NCOA3: variants seen among roughly 807,000 people sequenced by gnomAD.
NCOA3 encodes nuclear receptor coactivator 3, also known as CBP-interacting protein.
Under a neutral mutation model 158.8 loss-of-function variants are expected in NCOA3, and 51 were observed. That is an observed-to-expected ratio of 0.32 (90% CI 0.26 to 0.41). The LOEUF (loss-of-function observed/expected upper bound fraction) is 0.41. Among genes scored for constraint, NCOA3 ranks in the 10% least tolerant of loss-of-function variants. NCOA3 has a pLI of 1.00. For synonymous variants in NCOA3, 537 were observed against 592.4 expected (o/e 0.91, Z 1.36); for missense variants, 1,510 against 1,746.6 (o/e 0.86, Z 2.41).
intron 19 of NCOA3, 28 bp downstream of exon 19, chr20:47,649,137 A>C: frequency 1.4e-6 from 2 of 1,470,652 alleles, no homozygotes; most frequent in Non-Finnish European, 1.9e-6. Flanking sequence ...CTCCACATGC[A>C]TTGCTCTGTG....
intron 1 of NCOA3, among the ~76,000 whole-genome samples, chr20:47,511,554 T>TATATATACACACAC (rs1231372303): frequency 3.2e-5 from 1 of 31,088 alleles, no homozygotes; most frequent in Non-Finnish European, 1.0e-4. Context: ...TATATATATA[T>TATATATACACACAC]ATTTCTTTTT....
chr20:47,595,989 T>C (rs2085748928), intron 2 of NCOA3, among the ~76,000 whole-genome samples: 1 of 152,206 alleles, frequency 6.6e-6, no homozygotes, highest in African/African-American at 2.4e-5. Flanking sequence ...CTTTAAACAC[T>C]AAAATTACAC....
chr20:47,606,814 C>T (rs930652559), intron 2 of NCOA3, among the ~76,000 whole-genome samples: 8 of 152,118 alleles, frequency 5.3e-5, no homozygotes, highest in Non-Finnish European at 1.5e-5. Context: ...GTGAGGTGAA[C>T]CTGTCACTAC....
intron 2 of NCOA3, among the ~76,000 whole-genome samples, chr20:47,609,450 A>G (rs146543145): frequency 9.8e-5 from 15 of 152,346 alleles, no homozygotes; most frequent in Admixed American, 2.6e-4. Context: ...TTTACTAGAC[A>G]TGGATAGGCA....
intron 2 of NCOA3, among the ~76,000 whole-genome samples, chr20:47,619,034 T>C (rs2086192511): frequency 6.6e-6 from 1 of 152,246 alleles, no homozygotes; most frequent in Non-Finnish European, 1.5e-5. Context: ...ATGATTGTTA[T>C]AGATCAGAAT....
intron 1 of NCOA3, among the ~76,000 whole-genome samples, chr20:47,579,180 A>C (rs1345900645): frequency 6.6e-6 from 1 of 152,236 alleles, no homozygotes; most frequent in Non-Finnish European, 1.5e-5. Flanking sequence ...CATGTTGTCC[A>C]AGATGGACTC....
At chr20:47,622,364 T>C (rs778790718) in intron 3 of NCOA3, 34 bp downstream of exon 3, 7 of 1,337,884 alleles carry the variant, frequency 5.2e-6, no homozygotes, top group Non-Finnish European at 4.2e-6. Context: ...TTTACCACAC[T>C]TGTTGTGCCT....
chr20:47,511,631 A>G (rs888374880), intron 1 of NCOA3, among the ~76,000 whole-genome samples: 2 of 141,646 alleles, frequency 1.4e-5, no homozygotes, highest in Non-Finnish European at 3.0e-5. Context: ...GATCACCGCA[A>G]CCTCCACCTC....
At chr20:47,640,717 T>TAAA (rs1239786327) in intron 16 of NCOA3, among the ~76,000 whole-genome samples, 1,830 of 107,836 alleles carry the variant, frequency 0.017, 15 homozygotes, top group Non-Finnish European at 0.026. Flanking sequence ...CTGTCTCTAC[T>TAAA]AAAAAAAAAA....
In NCOA3 at chr20:47,536,809, T is replaced by C. The variant is rs868729792; in HGVS notation, c.-99+34790T>C. On this transcript the variant is annotated intron_variant, in intron 1 of 22. Coordinates refer to ENST00000371998, the MANE Select transcript of NCOA3 (RefSeq NM_181659.3). ...GCCCAGCCTCACTGTTTTTTTCTTT[T>C]TTTTTTTTTTTTTTGAGACAGTCTT... 9.1e-4 allele frequency among the ~76,000 whole-genome samples: 136 copies of C among 150,142 alleles called. 1 individual carries two copies. In the Middle Eastern group the frequency reaches 0.017, roughly 19 times the overall value.
chr20:47,598,370 C>G (rs1399069731), intron 2 of NCOA3, among the ~76,000 whole-genome samples: 1 of 151,732 alleles, frequency 6.6e-6, no homozygotes, highest in African/African-American at 2.4e-5. Context: ...GAGTTTCGCT[C>G]TGTCGCTCAG....
At chr20:47,582,290 G>C (rs769739799) in intron 1 of NCOA3, among the ~76,000 whole-genome samples, 15 of 152,158 alleles carry the variant, frequency 9.9e-5, no homozygotes, top group Non-Finnish European at 1.9e-4. Flanking sequence ...TTGGGTCACT[G>C]TAACCTCTGC....
At chr20:47,607,083 G>A (rs185711783) in intron 2 of NCOA3, among the ~76,000 whole-genome samples, 189 of 152,244 alleles carry the variant, frequency 1.2e-3, no homozygotes, top group Non-Finnish European at 2.3e-3. Flanking sequence ...TGATGCATGG[G>A]TTAAAGATCT....
At chr20:47,602,287 C>G (rs1351309108) in intron 2 of NCOA3, among the ~76,000 whole-genome samples, 2 of 152,100 alleles carry the variant, frequency 1.3e-5, no homozygotes, top group Non-Finnish European at 2.9e-5. Context: ...TAACTTTTTT[C>G]TAAACCAACT....
chr20:47,651,816 C>T (rs1040248187), intron 20 of NCOA3, among the ~76,000 whole-genome samples: 2 of 151,848 alleles, frequency 1.3e-5, no homozygotes, highest in East Asian at 1.9e-4. Context: ...GTGCATTCCA[C>T]CACCCCCGGC....
chr20:47,568,261 C>T (rs929855576), intron 1 of NCOA3, among the ~76,000 whole-genome samples: 4 of 151,934 alleles, frequency 2.6e-5, no homozygotes, highest in African/African-American at 9.7e-5. Flanking sequence ...TGTGCCAGAC[C>T]GTGGCAAGAA....
At chr20:47,648,249 T>C (rs2086724015) in intron 18 of NCOA3, among the ~76,000 whole-genome samples, 1 of 152,092 alleles carries the variant, frequency 6.6e-6, no homozygotes, top group Non-Finnish European at 1.5e-5. Context: ...CTCCATTGCA[T>C]AAATATTGTT....
At chr20:47,515,760 G>A (rs1363131040) in intron 1 of NCOA3, among the ~76,000 whole-genome samples, 3 of 152,046 alleles carry the variant, frequency 2.0e-5, no homozygotes, top group South Asian at 2.1e-4. Context: ...GATTACAGGC[G>A]TGAGCCACTG....
intron 2 of NCOA3, among the ~76,000 whole-genome samples, chr20:47,605,108 C>T (rs1208712201): frequency 5.3e-5 from 8 of 152,212 alleles, no homozygotes; most frequent in South Asian, 2.1e-4. Flanking sequence ...CCTCGTGATC[C>T]GCCCGCCTTG....
Sources: allele counts gnomAD v4.1 joint callset (sites outside exome capture counted in the v4.1 genomes callset), GRCh38; gene constraint gnomAD v4.1.1; transcripts MANE v1.5; gene names NCBI Gene and HGNC (gene_info 2026-07-23, HGNC 2026-07-21).